Variants in CCL25 observed in about 807,000 individuals in gnomAD.
CCL25 encodes the protein C-C motif chemokine 25.
In CCL25, 14 loss-of-function variants were observed where a neutral mutation model predicts 19.9. The ratio of observed to expected loss-of-function variants is 0.70; its 90% CI spans 0.47 to 1.10. CCL25 has a LOEUF of 1.10. Among genes scored for constraint, CCL25 ranks in the 50% least tolerant of loss-of-function variants. The pLI is 0.00. For synonymous variants in CCL25, 68 were observed against 73.2 expected (o/e 0.93, Z 0.36); for missense variants, 151 against 181.2 (o/e 0.83, Z 0.96).
intron 5 of CCL25, among the ~76,000 whole-genome samples, chr19:8,060,774 G>C (rs957719906): frequency 6.6e-6 from 1 of 151,560 alleles, no homozygotes; most frequent in Non-Finnish European, 1.5e-5. Context: ...TCTGCCTCCC[G>C]GGTTCACGCC....
upstream of CCL25, among the ~76,000 whole-genome samples, chr19:8,052,453 C>T (rs2081238850): frequency 6.6e-6 from 1 of 151,624 alleles, no homozygotes; most frequent in Non-Finnish European, 1.5e-5. Flanking sequence ...AAGGTAAGGG[C>T]TTGTTTGGGG....
chr19:8,056,302 G>GGGGGGGGGGGGGGCCCCC, intron 3 of CCL25, 33 bp downstream of exon 3: 1 of 593,378 alleles, frequency 1.7e-6, no homozygotes, highest in Middle Eastern at 3.3e-4. Context: ...GGGGGGTGGG[G>GGGGGGGGGGGGGGCCCCC]TGCACACACA....
intron 4 of CCL25, 82 bp from the exon 5 acceptor site, chr19:8,057,719 C>T: frequency 6.7e-7 from 1 of 1,488,524 alleles, no homozygotes; most frequent in Non-Finnish European, 9.0e-7. Flanking sequence ...AATAACCAGT[C>T]AACAGCTTCA....
chr19:8,053,303 A>G (rs957796568), intron 2 of CCL25, among the ~76,000 whole-genome samples, 181 bp downstream of exon 2: 1 of 152,076 alleles, frequency 6.6e-6, no homozygotes, highest in East Asian at 1.9e-4. Context: ...GGGGAGATGG[A>G]GAGTCCCCAG....
rs1371566040 is a variant in CCL25 at position 8,057,976 on chromosome 19, AG to A, written c.445+59del. 10 of 1,581,092 alleles carry A rather than the reference AG, an allele frequency of 6.3e-6. No individual in the cohort carries two copies. The Admixed American group carries it at 8.6e-5, about 14-fold the overall frequency. On this transcript the variant is annotated intron_variant, in intron 5 of 5. Coordinates refer to ENST00000315626, the MANE Select transcript of CCL25 (RefSeq NM_005624.4). The stretch of plus-strand genomic sequence containing the variant: ...CATCCATCACCTTTGCTGAGGGTTG[AG>A]GGCTCGTGATTGGCTCACACTGGGA...
intron 2 of CCL25, among the ~76,000 whole-genome samples, chr19:8,053,461 A>C (rs1001776518): frequency 6.6e-6 from 1 of 151,604 alleles, no homozygotes; most frequent in African/African-American, 2.4e-5. Flanking sequence ...GTGGGGTTGG[A>C]GATCAGGGCC....
intron 5 of CCL25, among the ~76,000 whole-genome samples, chr19:8,058,614 GTA>G (rs1369291907): frequency 3.2e-5 from 4 of 124,344 alleles, no homozygotes; most frequent in Non-Finnish European, 4.8e-5. Flanking sequence ...ATAATATAAA[GTA>G]TATATAATGT....
intron 2 of CCL25, 107 bp downstream of exon 2, chr19:8,053,229 C>G: frequency 1.6e-6 from 1 of 631,154 alleles, no homozygotes; most frequent in Non-Finnish European, 2.6e-6. Context: ...CCCATCTCCA[C>G]TGAATTCTCC....
chr19:8,058,598 T>C (rs2081292205), intron 5 of CCL25, among the ~76,000 whole-genome samples: 1 of 129,402 alleles, frequency 7.7e-6, no homozygotes, highest in African/African-American at 2.9e-5. Flanking sequence ...AATATATAAA[T>C]AATATATAAT....
chr19:8,062,158 A>G, intron 5 of CCL25, 60 bp from the exon 6 acceptor site: 1 of 1,569,362 alleles, frequency 6.4e-7, no homozygotes, highest in South Asian at 1.1e-5. Context: ...ACAAATGCAT[A>G]TAGTTACTAT....
chr19:8,053,041 G>A lies in CCL25; in HGVS notation c.-9G>A, dbSNP rs1487726037. 1.2e-5 allele frequency: 19 copies of A among 1,548,298 alleles called. No individual in the cohort carries two copies. Among genetic ancestry groups the A allele is most frequent in the Admixed American group, 9.8e-5 (5 of 50,764 alleles). ...TCCAGGTGCCCAGGGAGGAGGACCCGCCTGCAGCATGAACCTGTGGCTCCT... is the reference window on the plus strand; with the variant it reads ...TCCAGGTGCCCAGGGAGGAGGACCCACCTGCAGCATGAACCTGTGGCTCCT... On this transcript the variant is annotated 5_prime_UTR_variant, in exon 2 of 6. Coordinates refer to ENST00000315626, the MANE Select transcript of CCL25 (RefSeq NM_005624.4).
intron 5 of CCL25, among the ~76,000 whole-genome samples, chr19:8,058,681 T>C (rs1282561417): frequency 1.4e-5 from 2 of 137,986 alleles, no homozygotes; most frequent in African/African-American, 5.3e-5. Context: ...TTTTTTGAGA[T>C]GGAGTCTCAC....
chr19:8,056,361 C>G lies in CCL25; in HGVS notation c.192-5C>G. On this transcript the variant is annotated splice_polypyrimidine_tract_variant and splice_region_variant and intron_variant, in intron 3 of 5. Coordinates refer to ENST00000315626, the MANE Select transcript of CCL25 (RefSeq NM_005624.4). ...AACCTGGGCACCCCCCTCTGCTCAC[C>G]ACAGATTCTACCTCCCCAAGAGACA... 6.2e-7 allele frequency: 1 copy of G among 1,613,186 alleles called. No homozygotes were observed. Among genetic ancestry groups the G allele is most frequent in the Non-Finnish European group, 8.5e-7 (1 of 1,179,678 alleles).
At position 8,060,202 on chromosome 19, in the gene CCL25, G is replaced by C. The variant is rs201297909; in HGVS notation, c.446-2016G>C. Among the ~76,000 whole-genome samples the C allele has an allele frequency of 4.0e-5, 6 of 151,774 alleles. No homozygotes were observed. In the East Asian group the frequency reaches 1.2e-3, roughly 29 times the overall value. On this transcript the variant is annotated intron_variant, in intron 5 of 5. Coordinates refer to ENST00000315626, the MANE Select transcript of CCL25 (RefSeq NM_005624.4). ...AAAAACAAATTTAAATTAGCTAGTTGTGGTGGCATGCACCTGTAGTTTCAG... is the reference window on the plus strand; with the variant it reads ...AAAAACAAATTTAAATTAGCTAGTTCTGGTGGCATGCACCTGTAGTTTCAG...
intron 4 of CCL25, 63 bp downstream of exon 4, chr19:8,056,562 G>T: frequency 6.3e-7 from 1 of 1,587,920 alleles, no homozygotes; most frequent in South Asian, 1.1e-5. Flanking sequence ...GCCCATGTGT[G>T]GTTCAGACCC....
rs2081302133 is a variant in CCL25 at position 8,059,260 on chromosome 19, G to A, written c.445+1340G>A. On this transcript the variant is annotated intron_variant, in intron 5 of 5. Transcript: ENST00000315626. ...GTTGCTGAGGCTGGAGTGCAGTGGT[G>A]CCATCTCGGCTCACTGCAACCTCCG... Among the ~76,000 whole-genome samples, 3 of 145,982 alleles carry A rather than the reference G, an allele frequency of 2.1e-5. No individual in the cohort carries two copies. The South Asian group carries it at 6.3e-4, about 31-fold the overall frequency.
chr19:8,061,865 A>G (rs1412098382), intron 5 of CCL25, among the ~76,000 whole-genome samples: 3 of 151,042 alleles, frequency 2.0e-5, no homozygotes, highest in Admixed American at 2.0e-4. Context: ...AAAATACAAA[A>G]ATACTAAAAA....
chr19:8,056,720 C>T (rs1481843817), intron 4 of CCL25, among the ~76,000 whole-genome samples: 1 of 152,218 alleles, frequency 6.6e-6, no homozygotes, highest in East Asian at 1.9e-4. Flanking sequence ...TGCTCTGTTG[C>T]CCAGGCTGGA....
chr19:8,061,150 G>A (rs1176749386), intron 5 of CCL25, among the ~76,000 whole-genome samples: 1 of 151,696 alleles, frequency 6.6e-6, no homozygotes, highest in African/African-American at 2.4e-5. Context: ...CACCACTGCC[G>A]ACTAATTTTT....
Sources: gnomAD v4.1 joint callset for allele counts (sites outside exome capture counted in the v4.1 genomes callset) on GRCh38, gnomAD v4.1.1 for gene constraint, MANE v1.5 for transcripts, NCBI Gene and HGNC (gene_info 2026-07-23, HGNC 2026-07-21) for gene names.